Variants in SHROOM2 observed in about 807,000 individuals in gnomAD.
SHROOM2 encodes the protein protein Shroom2.
Under a neutral mutation model 75.9 loss-of-function variants are expected in SHROOM2, and 33 were observed. The ratio of observed to expected loss-of-function variants is 0.43; its 90% CI spans 0.33 to 0.58. The LOEUF is 0.58. SHROOM2 is among the 20% of genes least tolerant of loss of function. The probability of loss-of-function intolerance (pLI) is 0.04; values close to 1 mark genes in which losing one functional copy is unlikely to be tolerated. For missense variants in SHROOM2, 1,434 were observed against 1,461.2 expected (o/e 0.98, Z 0.30); for synonymous variants, 655 against 663.6 (o/e 0.99, Z 0.20).
At chrX:9,807,513 A>G (rs2083760953) in intron 1 of SHROOM2, among the ~76,000 whole-genome samples, 1 of 111,662 alleles carries the variant, frequency 9.0e-6, no homozygotes, top group African/African-American at 3.3e-5. Context: ...CAAAGACATT[A>G]CAAAATCAGG....
At chrX:9,846,757 TC>T (rs1231969529) in intron 1 of SHROOM2, among the ~76,000 whole-genome samples, 7 of 112,415 alleles carry the variant, frequency 6.2e-5, no homozygotes, top group Admixed American at 5.7e-4. Flanking sequence ...CTTTCATCTT[TC>T]CCCAGAGATG....
rs1386012928 is a variant in SHROOM2 at position 9,932,691 on chromosome X, C to T, written c.3408C>T (p.Ser1136=). The change falls in exon 6 of 10, where the codon AGC becomes AGT. Residue 1136 remains serine, a synonymous_variant. Transcript: ENST00000380913. ...AGGCCACTGTCTGTGAGCGTGGAAG[C>T]CAGCATGTGAGCGGGGACGCATCAC... is the stretch of plus-strand genomic sequence containing the variant. ...TPKATVCERG[S]QHVSGDASRP... 2.5e-6 allele frequency: 3 copies of T among 1,210,262 alleles called. No homozygotes were observed. Among genetic ancestry groups the T allele is most frequent in the Non-Finnish European group, 3.4e-6 (3 of 895,237 alleles).
At chrX:9,817,950 T>C (rs745655789) in intron 1 of SHROOM2, among the ~76,000 whole-genome samples, 10 of 111,829 alleles carry the variant, frequency 8.9e-5, no homozygotes, top group African/African-American at 1.3e-4. Flanking sequence ...CAAAATCAAA[T>C]CTTTATTTTT....
chrX:9,942,313 C>T (rs958749390), intron 8 of SHROOM2, among the ~76,000 whole-genome samples: 1 of 111,642 alleles, frequency 9.0e-6, no homozygotes, highest in African/African-American at 3.3e-5. Context: ...TCCCACACAC[C>T]CAGCGAGCAG....
chrX:9,892,254 TAAA>T (rs747599801), intron 3 of SHROOM2, among the ~76,000 whole-genome samples: 1 of 78,920 alleles, frequency 1.3e-5, no homozygotes, highest in Non-Finnish European at 2.5e-5. Context: ...CCTCGTCTCT[TAAA>T]AAAAAAAAAA....
At chrX:9,801,690 G>A (rs1238614597) in intron 1 of SHROOM2, among the ~76,000 whole-genome samples, 1 of 111,912 alleles carries the variant, frequency 8.9e-6, no homozygotes, top group Non-Finnish European at 1.9e-5. Context: ...ATGGTGGCTC[G>A]TGCATGTAAT....
intron 1 of SHROOM2, among the ~76,000 whole-genome samples, chrX:9,869,615 A>G (rs2084160999): frequency 8.9e-6 from 1 of 112,300 alleles, no homozygotes; most frequent in Non-Finnish European, 1.9e-5. Context: ...CTCAAGGTTC[A>G]TCCATGTTGT....
intron 5 of SHROOM2, among the ~76,000 whole-genome samples, chrX:9,920,969 G>A (rs952357771): frequency 8.9e-6 from 1 of 112,336 alleles, no homozygotes; most frequent in African/African-American, 3.2e-5. Context: ...CTTTCTGAGG[G>A]TTAGGGAGGA....
intron 5 of SHROOM2, among the ~76,000 whole-genome samples, chrX:9,922,099 G>GC (rs1309942665): frequency 8.9e-6 from 1 of 111,982 alleles, no homozygotes; most frequent in African/African-American, 3.2e-5. Flanking sequence ...TGTTGCCCAG[G>GC]CTGGCATGCA....
At chrX:9,854,556 G>A (rs2084056783) in intron 1 of SHROOM2, among the ~76,000 whole-genome samples, 1 of 112,365 alleles carries the variant, frequency 8.9e-6, no homozygotes, top group African/African-American at 3.2e-5. Flanking sequence ...CAGCCCTGCT[G>A]TTCTTGTGAA....
intron 2 of SHROOM2, among the ~76,000 whole-genome samples, chrX:9,878,702 CTAAGACGTCAGCAGGT>C (rs1192716215): frequency 9.0e-6 from 1 of 111,135 alleles, no homozygotes; most frequent in Non-Finnish European, 1.9e-5. Flanking sequence ...AAGGGGCCGC[CTAAGACGTCAGCAGGT>C]TTACACCCCC....
chrX:9,874,701 C>CTTTAGG, intron 2 of SHROOM2: 1 of 110,462 alleles, frequency 9.1e-6, no homozygotes, highest in Non-Finnish European at 1.9e-5. Flanking sequence ...TCAAACCAGC[C>CTTTAGG]AAGACAAATT....
chrX:9,831,995 G>A (rs2083919230), intron 1 of SHROOM2, among the ~76,000 whole-genome samples: 1 of 111,964 alleles, frequency 8.9e-6, no homozygotes, highest in South Asian at 3.7e-4. Context: ...GCACACGCCA[G>A]TTAGGAGCCA....
intron 1 of SHROOM2, among the ~76,000 whole-genome samples, chrX:9,862,804 C>T (rs944390398): frequency 5.3e-5 from 6 of 112,704 alleles, no homozygotes; most frequent in Admixed American, 1.9e-4. Flanking sequence ...ATTTGGGATG[C>T]AGAGGCAATG....
intron 1 of SHROOM2, among the ~76,000 whole-genome samples, chrX:9,807,946 G>A (rs1003322149): frequency 9.0e-6 from 1 of 111,603 alleles, no homozygotes; most frequent in Non-Finnish European, 1.9e-5. Flanking sequence ...AAGAGAGCCT[G>A]ACTTGTGACC....
chrX:9,927,956 G>A (rs1049836563), intron 5 of SHROOM2, among the ~76,000 whole-genome samples: 2 of 111,792 alleles, frequency 1.8e-5, no homozygotes, highest in African/African-American at 6.5e-5. Flanking sequence ...CTGTCTCGTC[G>A]TGGAAGCAAA....
Position 9,946,777 on chromosome X carries a change from C to G in SHROOM2, c.4691C>G (p.Ala1564Gly). 1 of 1,205,179 alleles carries G rather than the reference C, an allele frequency of 8.3e-7. No homozygotes were observed. Among genetic ancestry groups the G allele is most frequent in the South Asian group, 1.8e-5 (1 of 55,655 alleles). Residue 1564 changes from alanine to glycine, a missense_variant, in exon 10 of 10, where the codon GCC becomes GGC. By Grantham distance (60) the Ala-to-Gly change is moderately conservative. This residue lies in a region of SHROOM2 where 80 missense variants were observed against 88.4 expected (regional missense o/e 0.90). Transcript: ENST00000380913. ...RRERIVFDIL[A>G]NYLSEESLAD... ...GAGCGCATCGTCTTTGACATTTTGG[C>G]CAACTATCTGAGCGAGGAGAGCCTC...
At position 9,944,911 on chromosome X, in the gene SHROOM2, C is replaced by T. The variant is rs996021398; in HGVS notation, c.4582C>T (p.Arg1528Trp). The T allele has an allele frequency of 8.4e-6, 10 of 1,195,489 alleles. 1 individual carries two copies. Among genetic ancestry groups the T allele is most frequent in the East Asian group, 3.0e-5 (1 of 33,167 alleles). ...GGACGACGGCGCTTCTCCCGGTGAT[C>T]GGGTAAATGCAGATACGTCTGACTT... Reference protein sequence around the residue: ...NLDDGASPGDRQSLLEKQRVL... With the variant: ...NLDDGASPGDWQSLLEKQRVL... The change falls in exon 9 of 10, where the codon CGG becomes TGG. Residue 1528 changes from arginine (R) to tryptophan (W), a missense_variant and splice_region_variant. Transcript: ENST00000380913.
intron 1 of SHROOM2, among the ~76,000 whole-genome samples, chrX:9,855,295 T>TTTA (rs1555927810): frequency 7.6e-5 from 3 of 39,300 alleles, no homozygotes; most frequent in African/African-American, 2.8e-4. Flanking sequence ...TAAAGTATAG[T>TTTA]AAAAAAAAAA....
Sources: allele counts gnomAD v4.1 joint callset (sites outside exome capture counted in the v4.1 genomes callset), GRCh38; gene constraint gnomAD v4.1.1; regional missense constraint gnomAD v4.1.1; transcripts MANE v1.5; gene names NCBI Gene and HGNC (gene_info 2026-07-23, HGNC 2026-07-21).